LARGE1: variants seen among roughly 807,000 people sequenced by gnomAD.
LARGE1 encodes the protein xylosyl- and glucuronyltransferase LARGE1.
In LARGE1, 43 loss-of-function variants were observed where a neutral mutation model predicts 87.6. The observed-to-expected ratio is 0.49, with a 90% CI of 0.38 to 0.63. LARGE1 has a LOEUF of 0.63. Ranked by LOEUF, LARGE1 falls within the 30% of genes least tolerant of loss-of-function variation. LARGE1 has a pLI of 0.00. For synonymous variants in LARGE1, 434 were observed against 394.6 expected, an observed-to-expected ratio of 1.10 and a Z score of -1.18; for missense variants, 802 against 1,000.2, an observed-to-expected ratio of 0.80 and a Z score of 2.67.
At chr22:33,846,995 G>A (rs2063453024) in intron 1 of LARGE1, among the ~76,000 whole-genome samples, 1 of 152,088 alleles carries the variant, frequency 6.6e-6, no homozygotes. Context: ...CTTCATGTCT[G>A]TGACCCACAC....
chr22:33,889,705 C>T (rs2064954479), intron 1 of LARGE1, among the ~76,000 whole-genome samples: 1 of 152,158 alleles, frequency 6.6e-6, no homozygotes, highest in African/African-American at 2.4e-5. Context: ...GAGGCACCTA[C>T]AAGGGGATGG....
intron 9 of LARGE1, among the ~76,000 whole-genome samples, chr22:33,354,865 C>A (rs1940743458): frequency 6.6e-6 from 1 of 152,108 alleles, no homozygotes; most frequent in Admixed American, 6.6e-5. Context: ...TCACAAAGTA[C>A]TAAACCAACA....
the LARGE1 span, among the ~76,000 whole-genome samples, chr22:33,104,813 C>T: frequency 3.3e-5 from 5 of 152,184 alleles, no homozygotes; most frequent in African/African-American, 9.7e-5. Context: ...CTACAGTTCC[C>T]AGTCTCAAAA....
chr22:33,375,491 TA>T (rs11307932), intron 9 of LARGE1, among the ~76,000 whole-genome samples: 33,950 of 150,302 alleles, frequency 0.23, 5,240 homozygotes, highest in African/African-American at 0.43. Flanking sequence ...CTCCTAAAAA[TA>T]AAAAAAAAAT....
chr22:33,090,130 G>A, the LARGE1 span, among the ~76,000 whole-genome samples: 9 of 152,056 alleles, frequency 5.9e-5, no homozygotes, highest in African/African-American at 9.7e-5. Context: ...GCTTGAAGCC[G>A]GAAGGCAGAG....
At chr22:33,802,303 T>A (rs74534410) in intron 1 of LARGE1, among the ~76,000 whole-genome samples, 14,588 of 152,226 alleles carry the variant, frequency 0.096, 773 homozygotes, top group South Asian at 0.22. Flanking sequence ...AGAGATGGCT[T>A]CAGTCCCATC....
chr22:33,765,327 T>C (rs746869957), intron 1 of LARGE1, among the ~76,000 whole-genome samples: 7 of 152,178 alleles, frequency 4.6e-5, no homozygotes, highest in Non-Finnish European at 7.3e-5. Flanking sequence ...TTGAATATTA[T>C]GATTATTTCT....
intron 2 of LARGE1, among the ~76,000 whole-genome samples, chr22:33,759,125 G>A (rs892381621): frequency 1.3e-5 from 2 of 152,160 alleles, no homozygotes; most frequent in African/African-American, 4.8e-5. Context: ...AGAACAAAGG[G>A]ATAGAGGGAG....
chr22:33,581,596 G>A (rs1286447517), intron 5 of LARGE1, among the ~76,000 whole-genome samples: 2 of 151,964 alleles, frequency 1.3e-5, no homozygotes, highest in African/African-American at 2.4e-5. Flanking sequence ...GGCAGATCAC[G>A]AGGTCAAGAG....
chr22:33,847,112 G>A (rs1468004616), intron 1 of LARGE1, among the ~76,000 whole-genome samples: 1 of 152,144 alleles, frequency 6.6e-6, no homozygotes, highest in Non-Finnish European at 1.5e-5. Flanking sequence ...GTCTCCCCCG[G>A]ATGCCCAGCT....
intron 11 of LARGE1, among the ~76,000 whole-genome samples, chr22:33,213,414 AAG>A (rs1925054542): frequency 1.3e-5 from 2 of 152,212 alleles, no homozygotes; most frequent in African/African-American, 4.8e-5. Flanking sequence ...CCAATTTTGA[AAG>A]AAATTCTACT....
intron 6 of LARGE1, among the ~76,000 whole-genome samples, chr22:33,492,892 G>A (rs1255502517): frequency 6.6e-6 from 1 of 152,174 alleles, no homozygotes; most frequent in East Asian, 1.9e-4. Flanking sequence ...GGAGGGAGGA[G>A]GGAAATGCGG....
At chr22:33,091,978 C>A in the LARGE1 span, among the ~76,000 whole-genome samples, 2 of 152,278 alleles carry the variant, frequency 1.3e-5, no homozygotes, top group South Asian at 4.1e-4. Context: ...TGGCTCATTG[C>A]AACCTCTGCC....
intron 6 of LARGE1, among the ~76,000 whole-genome samples, chr22:33,445,946 G>T (rs570192960): frequency 6.6e-6 from 1 of 151,058 alleles, no homozygotes; most frequent in South Asian, 2.1e-4. Context: ...CACTGCACCC[G>T]GCCCTAAGGG....
intron 3 of LARGE1, among the ~76,000 whole-genome samples, chr22:33,642,275 C>A (rs534466272): frequency 1.4e-4 from 22 of 152,264 alleles, no homozygotes; most frequent in African/African-American, 5.3e-4. Context: ...TCATATCCAG[C>A]CAAACTGTGT....
chr22:33,496,391 T>C (rs150210002), intron 6 of LARGE1, among the ~76,000 whole-genome samples: 4 of 152,274 alleles, frequency 2.6e-5, no homozygotes, highest in Non-Finnish European at 5.9e-5. Flanking sequence ...GATAATATCA[T>C]GAGGGCGAAG....
At chr22:33,306,018 T>C (rs908317580) in intron 11 of LARGE1, among the ~76,000 whole-genome samples, 4 of 152,026 alleles carry the variant, frequency 2.6e-5, no homozygotes, top group South Asian at 2.1e-4. Context: ...TTCTTCTTTG[T>C]ATTTTTTAGT....
At chr22:33,370,649 T>C (rs1008850071) in intron 9 of LARGE1, among the ~76,000 whole-genome samples, 54 of 152,116 alleles carry the variant, frequency 3.5e-4, no homozygotes, top group African/African-American at 1.3e-3. Context: ...TATGTCTATG[T>C]GTTTAGGTGT....
intron 1 of LARGE1, among the ~76,000 whole-genome samples, chr22:33,853,980 T>A (rs1601781505): frequency 6.6e-6 from 1 of 152,052 alleles, no homozygotes; most frequent in Non-Finnish European, 1.5e-5. Flanking sequence ...GAGTCCCTAC[T>A]GGGCAGGCTC....
Sources: allele counts gnomAD v4.1 joint callset (sites outside exome capture counted in the v4.1 genomes callset), GRCh38; gene constraint gnomAD v4.1.1; transcripts MANE v1.5; gene names NCBI Gene and HGNC (gene_info 2026-07-23, HGNC 2026-07-21).